The following GABRB1 variants were observed in gnomAD, a reference collection of about 807,000 sequenced individuals.
GABRB1 encodes the protein gamma-aminobutyric acid receptor subunit beta-1.
In GABRB1, 17 loss-of-function variants were observed where a neutral mutation model predicts 51.6. That is an observed-to-expected ratio of 0.33 (90% CI 0.23 to 0.49). The LOEUF is 0.49. Ranked by LOEUF, GABRB1 falls within the 20% of genes least tolerant of loss-of-function variation. The probability of loss-of-function intolerance (pLI) is 0.99; values close to 1 mark genes in which losing one functional copy is unlikely to be tolerated. For missense variants in GABRB1, 410 were observed against 600.6 expected (o/e 0.68, Z 3.32); for synonymous variants, 247 against 218.9 (o/e 1.13, Z -1.14).
At chr4:47,408,514 G>A (rs568804479) in intron 8 of GABRB1, among the ~76,000 whole-genome samples, 1 of 152,280 alleles carries the variant, frequency 6.6e-6, no homozygotes, top group South Asian at 2.1e-4. Flanking sequence ...AAAATTCAAA[G>A]GAACACATCA....
chr4:47,108,529 C>T (rs1715075230), intron 3 of GABRB1, among the ~76,000 whole-genome samples: 2 of 151,844 alleles, frequency 1.3e-5, no homozygotes, highest in Non-Finnish European at 2.9e-5. Context: ...AAAGTTTCAC[C>T]TATATTAATT....
intron 5 of GABRB1, among the ~76,000 whole-genome samples, chr4:47,398,947 C>T (rs1304096852): frequency 1.3e-5 from 2 of 152,194 alleles, no homozygotes; most frequent in Non-Finnish European, 2.9e-5. Context: ...CCCGCCACCA[C>T]GTCCGGCTAA....
intron 4 of GABRB1, among the ~76,000 whole-genome samples, chr4:47,208,662 A>G (rs1720233699): frequency 6.6e-6 from 1 of 152,130 alleles, no homozygotes; most frequent in Non-Finnish European, 1.5e-5. Context: ...TTGGACATCA[A>G]TAGTTGTGAA....
At chr4:47,061,553 C>T (rs1329338182) in intron 3 of GABRB1, among the ~76,000 whole-genome samples, 2 of 152,078 alleles carry the variant, frequency 1.3e-5, no homozygotes, top group African/African-American at 2.4e-5. Context: ...TGCTTTTCTG[C>T]TATTAACTTA....
At chr4:47,023,182 G>C (rs1056685604) in intron 1 of GABRB1, among the ~76,000 whole-genome samples, 17 of 152,020 alleles carry the variant, frequency 1.1e-4, no homozygotes, top group African/African-American at 4.1e-4. Flanking sequence ...ACTGGGAAGA[G>C]TAGTGGGGGG....
At chr4:47,058,138 T>C (rs1726698297) in intron 3 of GABRB1, among the ~76,000 whole-genome samples, 1 of 152,188 alleles carries the variant, frequency 6.6e-6, no homozygotes, top group Non-Finnish European at 1.5e-5. Flanking sequence ...CCTGTGAGGT[T>C]AAAGAAGGTC....
chr4:47,420,804 C>G (rs1186380373), intron 8 of GABRB1, among the ~76,000 whole-genome samples: 3 of 152,174 alleles, frequency 2.0e-5, no homozygotes, highest in Non-Finnish European at 2.9e-5. Context: ...TGGGTTACAG[C>G]AGAGCCAACA....
chr4:47,415,119 A>C (rs1036320014), intron 8 of GABRB1, among the ~76,000 whole-genome samples: 1 of 152,160 alleles, frequency 6.6e-6, no homozygotes, highest in African/African-American at 2.4e-5. Context: ...CTTTTCAGGA[A>C]TCTCTGTCTC....
chr4:47,064,641 C>CAAAAAAAAAAAA (rs33963952), intron 3 of GABRB1, among the ~76,000 whole-genome samples: 4 of 58,156 alleles, frequency 6.9e-5, no homozygotes, highest in African/African-American at 1.5e-4. Flanking sequence ...GACTCCATCT[C>CAAAAAAAAAAAA]AAAAAAAAAA....
intron 4 of GABRB1, among the ~76,000 whole-genome samples, chr4:47,303,498 A>G (rs1353542516): frequency 2.0e-5 from 3 of 151,788 alleles, no homozygotes; most frequent in Non-Finnish European, 4.4e-5. Context: ...ATCTTTCTAT[A>G]TGTCCATGTA....
At chr4:47,143,674 A>G (rs546441858) in intron 3 of GABRB1, among the ~76,000 whole-genome samples, 1 of 152,038 alleles carries the variant, frequency 6.6e-6, no homozygotes, top group South Asian at 2.1e-4. Flanking sequence ...TTGTATTTGC[A>G]TATTCAAAAA....
intron 4 of GABRB1, among the ~76,000 whole-genome samples, chr4:47,176,331 A>G (rs1718698558): frequency 6.6e-6 from 1 of 152,112 alleles, no homozygotes; most frequent in South Asian, 2.1e-4. Flanking sequence ...ATAGAAGGAC[A>G]CAGTTATTGA....
chr4:47,384,827 C>A (rs978161607), intron 5 of GABRB1, among the ~76,000 whole-genome samples: 1 of 152,090 alleles, frequency 6.6e-6, no homozygotes, highest in African/African-American at 2.4e-5. Context: ...AGGTGACTCC[C>A]TTTTCTACAC....
At chr4:47,098,151 A>AACACACAC (rs59294163) in intron 3 of GABRB1, among the ~76,000 whole-genome samples, 10 of 148,336 alleles carry the variant, frequency 6.7e-5, no homozygotes, top group Admixed American at 1.3e-4. Context: ...TTTTAGTACA[A>AACACACAC]ACACACACAC....
chr4:47,316,667 G>A (rs1288208223), intron 4 of GABRB1, among the ~76,000 whole-genome samples: 1 of 151,900 alleles, frequency 6.6e-6, no homozygotes, highest in Non-Finnish European at 1.5e-5. Context: ...TACTTCTAGA[G>A]ACCAACAATT....
chr4:47,395,847 TTC>T (rs1429406129), intron 5 of GABRB1, among the ~76,000 whole-genome samples: 1 of 152,190 alleles, frequency 6.6e-6, no homozygotes, highest in Non-Finnish European at 1.5e-5. Flanking sequence ...GCAAATATGT[TTC>T]TGTTTTTCCC....
chr4:47,219,150 A>G (rs1720666907), intron 4 of GABRB1, among the ~76,000 whole-genome samples: 1 of 151,884 alleles, frequency 6.6e-6, no homozygotes, highest in South Asian at 2.1e-4. Context: ...AGTGAAATCA[A>G]ATATGGAAAT....
At position 47,344,319 on chromosome 4, in the gene GABRB1, G is replaced by A. The variant is rs545272239; in HGVS notation, c.544+24110G>A. 3.3e-5 allele frequency among the ~76,000 whole-genome samples: 5 copies of A among 152,310 alleles called. No individual in the cohort carries two copies. In the South Asian group the frequency reaches 1.0e-3, roughly 32 times the overall value. On this transcript the variant is annotated intron_variant, in intron 5 of 8. Transcript: ENST00000295454. ...AAGTCAACAATTAGTTGTAGAATAT[G>A]AGAAAGGAACTGTGTTCGGGTATAA...
intron 3 of GABRB1, among the ~76,000 whole-genome samples, chr4:47,139,462 C>T (rs1357120570): frequency 6.6e-6 from 1 of 151,996 alleles, no homozygotes; most frequent in Non-Finnish European, 1.5e-5. Flanking sequence ...TTGGTACTGA[C>T]ATTTTGAAAT....
Sources: allele counts gnomAD v4.1 joint callset (sites outside exome capture counted in the v4.1 genomes callset), GRCh38; gene constraint gnomAD v4.1.1; transcripts MANE v1.5; gene names NCBI Gene and HGNC (gene_info 2026-07-23, HGNC 2026-07-21).